BTBD9: variants seen among roughly 807,000 people sequenced by gnomAD.
BTBD9 encodes the protein BTB domain containing 9.
In BTBD9, 49 loss-of-function variants were observed where a neutral mutation model predicts 64.3. The observed-to-expected ratio is 0.76, with a 90% CI of 0.61 to 0.97. The LOEUF (loss-of-function observed/expected upper bound fraction) is 0.97. BTBD9 is among the 50% of genes least tolerant of loss of function. The probability of loss-of-function intolerance (pLI) is 0.00; values close to 1 mark genes in which losing one functional copy is unlikely to be tolerated. For missense variants in BTBD9, 598 were observed against 762.1 expected (o/e 0.78, Z 2.53); for synonymous variants, 260 against 274.7 (o/e 0.95, Z 0.53).
At chr6:38,508,169 T>C (rs1256732629) in intron 6 of BTBD9, among the ~76,000 whole-genome samples, 2 of 152,172 alleles carry the variant, frequency 1.3e-5, no homozygotes, top group Non-Finnish European at 2.9e-5. Flanking sequence ...CCTGCTTCCA[T>C]GCTTCAGACA....
intron 4 of BTBD9, among the ~76,000 whole-genome samples, chr6:38,588,866 G>A (rs1206933639): frequency 6.6e-6 from 1 of 152,122 alleles, no homozygotes; most frequent in Non-Finnish European, 1.5e-5. Flanking sequence ...TTAACATGAT[G>A]TACTAAAAGT....
intron 6 of BTBD9, among the ~76,000 whole-genome samples, chr6:38,384,905 A>C (rs1285718125): frequency 3.3e-5 from 5 of 151,920 alleles, no homozygotes; most frequent in African/African-American, 1.2e-4. Context: ...TTAGTGTAGG[A>C]ATATAATCAA....
chr6:38,453,106 G>C (rs959735749), intron 6 of BTBD9, among the ~76,000 whole-genome samples: 2 of 152,128 alleles, frequency 1.3e-5, no homozygotes, highest in Non-Finnish European at 2.9e-5. Context: ...ACAGACAATA[G>C]TTTGAGTGAA....
intron 9 of BTBD9, among the ~76,000 whole-genome samples, chr6:38,255,164 TCA>T (rs1203835160): frequency 3.9e-5 from 6 of 152,108 alleles, no homozygotes; most frequent in African/African-American, 1.4e-4. Context: ...GAACAAAAGG[TCA>T]CATACTATAT....
intron 1 of BTBD9, among the ~76,000 whole-genome samples, chr6:38,616,606 A>G (rs1214043771): frequency 6.6e-6 from 1 of 152,140 alleles, no homozygotes; most frequent in African/African-American, 2.4e-5. Flanking sequence ...AGGATTGTAA[A>G]TTGCACCAAT....
At chr6:38,438,474 A>G (rs1242476254) in intron 6 of BTBD9, among the ~76,000 whole-genome samples, 2 of 152,188 alleles carry the variant, frequency 1.3e-5, no homozygotes, top group African/African-American at 4.8e-5. Context: ...GTGATGGGAC[A>G]GTGCATGAGT....
intron 6 of BTBD9, among the ~76,000 whole-genome samples, chr6:38,446,918 T>G (rs868410362): frequency 2.0e-5 from 3 of 152,118 alleles, no homozygotes; most frequent in South Asian, 2.1e-4. Context: ...CTAGACAAAT[T>G]AAACCAGGGC....
At chr6:38,575,766 C>A (rs940222732) in intron 6 of BTBD9, among the ~76,000 whole-genome samples, 2 of 152,064 alleles carry the variant, frequency 1.3e-5, no homozygotes, top group Non-Finnish European at 2.9e-5. Context: ...TTATCATTAT[C>A]ACTAACATCA....
chr6:38,179,755 C>T (rs765820023), intron 10 of BTBD9: 5 of 456,642 alleles, frequency 1.1e-5, no homozygotes, highest in Non-Finnish European at 2.2e-5. Context: ...ACAAACAATT[C>T]TACCAGCACG....
intron 6 of BTBD9, among the ~76,000 whole-genome samples, chr6:38,383,723 A>G (rs1196551866): frequency 6.6e-6 from 1 of 152,244 alleles, no homozygotes; most frequent in African/African-American, 2.4e-5. Flanking sequence ...TAAAGTTGCC[A>G]GAAGAACTGG....
chr6:38,593,819 G>C lies in BTBD9; in HGVS notation c.549+145C>G, dbSNP rs11966551. ...TGATCTAGAGTCCTGGTAGCTAGAT[G>C]CAAGTGGCTAGACCAGATAACCAAT... is the stretch of plus-strand genomic sequence containing the variant. On this transcript the variant is annotated intron_variant, in intron 3 of 10. Coordinates refer to ENST00000481247, the MANE Select transcript of BTBD9 (RefSeq NM_001099272.2). The C allele has an allele frequency of 5.1e-3, 3,528 of 692,472 alleles. 96 individuals carry two copies. The African/African-American group carries it at 0.055, about 11-fold the overall frequency. The allele number at this position is 692,472 out of a possible 1,614,324, so 42.9% of individuals were successfully genotyped here. A position where few individuals can be genotyped will look rare whatever the true frequency, so the allele number is the denominator to read the frequency against.
intron 6 of BTBD9, among the ~76,000 whole-genome samples, chr6:38,448,544 C>T (rs2127328124): frequency 6.6e-6 from 1 of 152,244 alleles, no homozygotes; most frequent in South Asian, 2.1e-4. Flanking sequence ...GACAGTCTCG[C>T]TTTGTCTCTG....
At chr6:38,212,891 A>G (rs1762884164) in intron 9 of BTBD9, among the ~76,000 whole-genome samples, 1 of 152,144 alleles carries the variant, frequency 6.6e-6, no homozygotes, top group Non-Finnish European at 1.5e-5. Flanking sequence ...GCACCCTGGA[A>G]ATGTGAAGAC....
chr6:38,330,748 T>C (rs1283716671), intron 7 of BTBD9, among the ~76,000 whole-genome samples: 1 of 152,152 alleles, frequency 6.6e-6, no homozygotes, highest in South Asian at 2.1e-4. Flanking sequence ...AGAGTAGATA[T>C]AAATCTATGA....
chr6:38,487,230 T>A lies in BTBD9; in HGVS notation c.1154+90370A>T, dbSNP rs1771480035. ...TATGTGCTTGTGGTTATCCATTATA[T>A]AAATTATCTCCTGTCATTCTGAAGG... On this transcript the variant is annotated intron_variant, in intron 6 of 10. Coordinates refer to ENST00000481247, the MANE Select transcript of BTBD9 (RefSeq NM_001099272.2). Among the ~76,000 whole-genome samples the A allele has an allele frequency of 3.3e-5, 5 of 152,348 alleles. No individual in the cohort carries two copies. The South Asian group carries it at 1.0e-3, about 32-fold the overall frequency.
At chr6:38,463,027 C>A (rs1260283641) in intron 6 of BTBD9, among the ~76,000 whole-genome samples, 2 of 152,180 alleles carry the variant, frequency 1.3e-5, no homozygotes, top group Non-Finnish European at 2.9e-5. Context: ...AACTCCTGGG[C>A]TCAAGTGATC....
intron 1 of BTBD9, among the ~76,000 whole-genome samples, chr6:38,622,203 C>T (rs756658097): frequency 6.6e-6 from 1 of 152,210 alleles, no homozygotes; most frequent in South Asian, 2.1e-4. Flanking sequence ...CGTTGTAAGG[C>T]CCCTCTGGGG....
chr6:38,544,624 T>C (rs1375738079), intron 6 of BTBD9, among the ~76,000 whole-genome samples: 3 of 151,692 alleles, frequency 2.0e-5, no homozygotes. Context: ...GCCAATGCGG[T>C]TGAAGAGTGA....
At chr6:38,316,862 T>C (rs563492671) in intron 7 of BTBD9, among the ~76,000 whole-genome samples, 2 of 152,346 alleles carry the variant, frequency 1.3e-5, no homozygotes, top group African/African-American at 4.8e-5. Context: ...TTGGCATTTC[T>C]TGTAGGACAG....
Sources: allele counts gnomAD v4.1 joint callset (sites outside exome capture counted in the v4.1 genomes callset), GRCh38; gene constraint gnomAD v4.1.1; transcripts MANE v1.5; gene names NCBI Gene and HGNC (gene_info 2026-07-23, HGNC 2026-07-21).